The following ENG variants were observed in gnomAD, a reference collection of about 807,000 sequenced individuals.
ENG encodes CD105 antigen.
In ENG, 17 loss-of-function variants were observed where a neutral mutation model predicts 71.0. That is an observed-to-expected ratio of 0.24 (90% CI 0.16 to 0.36). The LOEUF is 0.36. Ranked by LOEUF, ENG falls within the 10% of genes least tolerant of loss-of-function variation. The pLI is 1.00. For missense variants in ENG, 749 were observed against 868.3 expected (o/e 0.86, Z 1.73); for synonymous variants, 360 against 366.9 (o/e 0.98, Z 0.21).
chr9:127,849,179 C>T (rs559033117), intron 1 of ENG, among the ~76,000 whole-genome samples: 1 of 152,180 alleles, frequency 6.6e-6, no homozygotes, highest in South Asian at 2.1e-4. Flanking sequence ...TTAGACTGTG[C>T]GGTCCAACAC....
intron 11 of ENG, 99 bp from the exon 12 acceptor site, chr9:127,818,476 CT>C (rs1830389060): frequency 1.3e-6 from 2 of 1,565,976 alleles, no homozygotes; most frequent in Admixed American, 3.7e-5. Flanking sequence ...GTTCCCACCC[CT>C]GAGTCCTCAC....
At chr9:127,824,483 CTG>C in intron 7 of ENG, 37 bp from the exon 8 acceptor site, 1 of 1,510,252 alleles carries the variant, frequency 6.6e-7, no homozygotes, top group Non-Finnish European at 9.1e-7. Context: ...CGGCTGGTCA[CTG>C]TGTGATCACT....
chr9:127,817,689 G>C, intron 12 of ENG: 1 of 354,564 alleles, frequency 2.8e-6, no homozygotes, highest in South Asian at 2.6e-5. Context: ...TCACCAGATG[G>C]TGAAGTGTTG....
intron 1 of ENG, chr9:127,847,062 C>T (rs750606088): frequency 4.5e-4 from 235 of 520,654 alleles, no homozygotes; most frequent in Non-Finnish European, 5.3e-4. Flanking sequence ...GCCTCAGTTT[C>T]CCCATTTGCA....
intron 13 of ENG, 140 bp from the exon 14 acceptor site, chr9:127,816,193 G>T: frequency 9.3e-7 from 1 of 1,072,342 alleles, no homozygotes; most frequent in Non-Finnish European, 1.4e-6. Context: ...GTCTCCTCTT[G>T]CAGCAAACGG....
intron 3 of ENG, among the ~76,000 whole-genome samples, chr9:127,828,482 C>T (rs1830680848): frequency 6.6e-6 from 1 of 152,212 alleles, no homozygotes; most frequent in African/African-American, 2.4e-5. Flanking sequence ...GGCGGCGCGG[C>T]CGAGGCCAGA....
Position 127,815,669 on chromosome 9 carries a change from C to CG in ENG, c.*12dup, listed in dbSNP as rs1180209908. On this transcript the variant is annotated 3_prime_UTR_variant, in exon 15 of 15. Coordinates refer to ENST00000373203, the MANE Select transcript of ENG (RefSeq NM_001114753.3). ...CTCAGTCTCTCCTGCTGGGCGAGCG[C>CG]GGGGGGCCGGGGCTATGCCATGCTG... is the stretch of plus-strand genomic sequence containing the variant. The CG allele has an allele frequency of 6.4e-6, 10 of 1,552,940 alleles. No homozygotes were observed. The highest frequency in any genetic ancestry group is 2.1e-4 in the Middle Eastern group (1 of 4,674).
In ENG at chr9:127,815,953, G is replaced by A. The variant is rs1830301292; in HGVS notation, c.1842C>T (p.Tyr614=). ...ALLTAALWYI[Y]SHTRSPSKRE... is the part of the protein sequence containing the mutation. ...GCCTGGGGTACTCACGCGTGTGCGA[G>A]TAGATGTACCAGAGTGCAGCAGTGA... The change falls in exon 14 of 15, where the codon TAC becomes TAT. Residue 614 remains tyrosine, a synonymous_variant. Coordinates refer to ENST00000373203, the MANE Select transcript of ENG (RefSeq NM_001114753.3). 1 of 1,600,704 alleles carries A rather than the reference G, an allele frequency of 6.2e-7. No individual in the cohort carries two copies. The highest frequency in any genetic ancestry group is 8.5e-7 in the Non-Finnish European group (1 of 1,174,366).
At chr9:127,820,429 A>C (rs1416038427) in intron 8 of ENG, among the ~76,000 whole-genome samples, 1 of 151,596 alleles carries the variant, frequency 6.6e-6, no homozygotes, top group African/African-American at 2.4e-5. Flanking sequence ...TCCTGACCTC[A>C]GGTGATCCAC....
intron 2 of ENG, among the ~76,000 whole-genome samples, chr9:127,839,582 G>T (rs535704254): frequency 1.3e-5 from 2 of 152,080 alleles, no homozygotes; most frequent in African/African-American, 4.8e-5. Flanking sequence ...TTGAGACAGG[G>T]TCTTGCTCTG....
intron 3 of ENG, among the ~76,000 whole-genome samples, chr9:127,828,535 T>A (rs1455900568): frequency 1.3e-5 from 2 of 152,148 alleles, no homozygotes; most frequent in Non-Finnish European, 2.9e-5. Flanking sequence ...GCGCGTTTCA[T>A]GTTCCTGCCT....
intron 2 of ENG, among the ~76,000 whole-genome samples, chr9:127,839,950 G>A (rs1437558457): frequency 6.6e-6 from 1 of 152,158 alleles, no homozygotes; most frequent in Non-Finnish European, 1.5e-5. Flanking sequence ...GGCAAAATGG[G>A]GATGTTCACA....
At chr9:127,817,246 C>T (rs377004989) in intron 12 of ENG, 43 bp from the exon 13 acceptor site, 55 of 1,609,850 alleles carry the variant, frequency 3.4e-5, no homozygotes, top group South Asian at 3.1e-4. Context: ...CTTTGGGAGG[C>T]GGCTTCCAGG....
chr9:127,826,129 C>T (rs1213466549), intron 4 of ENG, among the ~76,000 whole-genome samples: 1 of 152,172 alleles, frequency 6.6e-6, no homozygotes, highest in Non-Finnish European at 1.5e-5. Flanking sequence ...CAGCAAGACC[C>T]GAAATTATAG....
At chr9:127,817,744 C>T in intron 12 of ENG, 1 of 398,622 alleles carries the variant, frequency 2.5e-6, no homozygotes, top group Non-Finnish European at 4.7e-6. Flanking sequence ...CCTTTGTCCG[C>T]CTCTCTTCCC....
In ENG at chr9:127,824,453, G is replaced by A. The variant is rs949300932; in HGVS notation, c.992-7C>T. ...GAGGTCTGCAGCCTACCACCTGTGG[G>A]GTAGCAGAGGCAGGCCAGGCGGCTG... On this transcript the variant is annotated splice_polypyrimidine_tract_variant and splice_region_variant and intron_variant, in intron 7 of 14. Coordinates refer to ENST00000373203, the MANE Select transcript of ENG (RefSeq NM_001114753.3). The A allele has an allele frequency of 1.9e-6, 3 of 1,613,634 alleles. No homozygotes were observed. Among genetic ancestry groups the A allele is most frequent in the Non-Finnish European group, 2.5e-6 (3 of 1,179,810 alleles).
At chr9:127,849,664 C>T (rs1457809098) in intron 1 of ENG, among the ~76,000 whole-genome samples, 1 of 152,036 alleles carries the variant, frequency 6.6e-6, no homozygotes, top group Non-Finnish European at 1.5e-5. Flanking sequence ...GGGTTGTACC[C>T]CGGATGGGAG....
At chr9:127,843,755 A>ATATATAT (rs1554812402) in intron 1 of ENG, among the ~76,000 whole-genome samples, 3 of 25,040 alleles carry the variant, frequency 1.2e-4, no homozygotes, top group African/African-American at 3.1e-4. Context: ...ATATATATAT[A>ATATATAT]TTTTTTTTTT....
intron 1 of ENG, among the ~76,000 whole-genome samples, chr9:127,843,602 A>C (rs1831094198): frequency 6.6e-6 from 1 of 150,606 alleles, no homozygotes; most frequent in South Asian, 2.1e-4. Context: ...TTTATCTGAA[A>C]TTCGGATTTC....
Sources: allele counts gnomAD v4.1 joint callset (sites outside exome capture counted in the v4.1 genomes callset), GRCh38; gene constraint gnomAD v4.1.1; transcripts MANE v1.5; gene names NCBI Gene and HGNC (gene_info 2026-07-23, HGNC 2026-07-21).